Variants in HELZ observed in about 807,000 individuals in gnomAD.
HELZ encodes ATP-dependent RNA helicase with zinc finger domain.
A neutral mutation model predicts 218.2 loss-of-function variants in HELZ; 23 were observed. That is an observed-to-expected ratio of 0.11 (90% CI 0.08 to 0.15). The LOEUF is 0.15. Ranked by LOEUF, HELZ falls within the 10% of genes least tolerant of loss-of-function variation. The probability of loss-of-function intolerance (pLI) is 1.00; values close to 1 mark genes in which losing one functional copy is unlikely to be tolerated. For missense variants in HELZ, 1,813 were observed against 2,353.7 expected (o/e 0.77, Z 4.75); for synonymous variants, 814 against 829.4 (o/e 0.98, Z 0.32).
intron 28 of HELZ, among the ~76,000 whole-genome samples, chr17:67,113,408 C>T (rs7223269): frequency 0.51 from 77,028 of 151,718 alleles, 20,328 homozygotes; most frequent in East Asian, 0.88. Context: ...TACAGGCGCC[C>T]GCCACCACGC....
Position 67,108,367 on chromosome 17 carries a change from C to T in HELZ, c.4724+125G>A. Reference sequence around the variant, plus strand: ...CAACAAGAGAACTGTGTAGCGTGTGCTTGGAAGGCCAGCATCCAATTTCTC... The same window carrying T: ...CAACAAGAGAACTGTGTAGCGTGTGTTTGGAAGGCCAGCATCCAATTTCTC... On this transcript the variant is annotated intron_variant, in intron 30 of 32. Transcript: ENST00000358691. The surrounding 1 kb of genome is among the most constrained non-coding windows in gnomAD (Gnocchi z 4.1). The T allele has an allele frequency of 1.4e-6, 1 of 704,830 alleles. No homozygotes were observed. Among genetic ancestry groups the T allele is most frequent in the Non-Finnish European group, 2.5e-6 (1 of 405,210 alleles). The allele number at this position is 704,830 out of a possible 1,614,324, so 43.7% of individuals were successfully genotyped here.
In HELZ at chr17:67,078,125, TTAAG is replaced by T. The variant is rs1167242287; in HGVS notation, c.*123_*126del. 1.3e-4 allele frequency: 86 copies of T among 656,096 alleles called. No homozygotes were observed. Among genetic ancestry groups the T allele is most frequent in the African/African-American group, 5.6e-4 (30 of 53,656 alleles). The allele number at this position is 656,096 out of a possible 1,614,324, so 40.6% of individuals were successfully genotyped here. On this transcript the variant is annotated 3_prime_UTR_variant, in exon 33 of 33. Coordinates refer to ENST00000358691, the MANE Select transcript of HELZ (RefSeq NM_014877.4). ...AGTTGCAAGTCTAGCAGCAAAGCAA[TTAAG>T]TGAGAACATATTTAATATTAAAACA...
intron 13 of HELZ, chr17:67,172,900 C>G (rs1007207302): frequency 2.7e-5 from 7 of 255,232 alleles, no homozygotes; most frequent in Non-Finnish European, 4.3e-5. Flanking sequence ...GCCACTGCGC[C>G]CAGGCCTTAG....
intron 13 of HELZ, among the ~76,000 whole-genome samples, chr17:67,168,078 G>A (rs1383378212): frequency 6.6e-6 from 1 of 151,958 alleles, no homozygotes; most frequent in Non-Finnish European, 1.5e-5. Flanking sequence ...TGCCTCCCAG[G>A]TTCAAGAATT....
At chr17:67,213,729 G>A (rs1423032276) in intron 5 of HELZ, among the ~76,000 whole-genome samples, 1 of 152,134 alleles carries the variant, frequency 6.6e-6, no homozygotes, top group African/African-American at 2.4e-5. Flanking sequence ...AAGAACATAT[G>A]TTTATTACAG....
rs577181022 is a variant in HELZ, at chr17:67,081,393, G to A, written c.5495-2807C>T. 2.0e-5 allele frequency among the ~76,000 whole-genome samples: 3 copies of A among 152,198 alleles called. No homozygotes were observed. In the South Asian group the frequency reaches 6.2e-4, roughly 32 times the overall value. ...TTCCTCATTAGTCTCCTCTGAACAC[G>A]GTAAAAGGTTAATATTAGACAACAG... On this transcript the variant is annotated intron_variant, in intron 32 of 32. Transcript: ENST00000358691.
intron 17 of HELZ, among the ~76,000 whole-genome samples, chr17:67,152,378 A>T (rs1038927915): frequency 1.3e-5 from 2 of 152,158 alleles, no homozygotes; most frequent in African/African-American, 4.8e-5. Context: ...TACTGTTAAG[A>T]GTGCAGACAA....
intron 17 of HELZ, among the ~76,000 whole-genome samples, chr17:67,156,351 T>C (rs891615715): frequency 6.6e-6 from 1 of 152,174 alleles, no homozygotes; most frequent in Admixed American, 6.5e-5. Context: ...ATAAAAAGAA[T>C]ATTTACTTAA....
chr17:67,198,407 A>T (rs2040086102), intron 7 of HELZ, among the ~76,000 whole-genome samples: 2 of 152,228 alleles, frequency 1.3e-5, no homozygotes, highest in African/African-American at 2.4e-5. Flanking sequence ...TAAGGCACTC[A>T]GCCTGGCTAA....
At chr17:67,156,009 C>CAT (rs1374024981) in intron 17 of HELZ, among the ~76,000 whole-genome samples, 1 of 93,558 alleles carries the variant, frequency 1.1e-5, no homozygotes, top group African/African-American at 5.4e-5. Flanking sequence ...AATATATACA[C>CAT]ACATAATTTT....
At chr17:67,219,597 T>C (rs931757008) in intron 3 of HELZ, among the ~76,000 whole-genome samples, 1 of 151,816 alleles carries the variant, frequency 6.6e-6, no homozygotes, top group African/African-American at 2.4e-5. Context: ...GGGGAGAAAA[T>C]ACACAGCCTA....
chr17:67,193,898 A>T, intron 9 of HELZ, 69 bp downstream of exon 9: 1 of 1,138,040 alleles, frequency 8.8e-7, no homozygotes, highest in Non-Finnish European at 1.3e-6. Flanking sequence ...TTACTCCATT[A>T]GATAAGGAAA....
rs559088221 is a variant in HELZ, at chr17:67,208,139, G to A, written c.248-4696C>T. Among the ~76,000 whole-genome samples, 3 of 152,296 alleles carry A rather than the reference G, an allele frequency of 2.0e-5. No homozygotes were observed. The South Asian group carries it at 6.2e-4, about 32-fold the overall frequency. On this transcript the variant is annotated intron_variant, in intron 5 of 32. Transcript: ENST00000358691. The stretch of plus-strand genomic sequence containing the variant: ...GGCAAAATTAGGGAGATGAAGAACA[G>A]ATTAGTGGTTGCCAAGGGTTAGAAA...
chr17:67,237,070 T>C (rs1013227227), intron 3 of HELZ, among the ~76,000 whole-genome samples: 5 of 152,214 alleles, frequency 3.3e-5, no homozygotes, highest in Non-Finnish European at 7.3e-5. Flanking sequence ...CCGGGCGTAG[T>C]GGTTCACGCC....
At position 67,139,055 on chromosome 17, in the gene HELZ, A is replaced by C. The variant is rs543483216; in HGVS notation, c.2770-941T>G. On this transcript the variant is annotated intron_variant, in intron 21 of 32. Coordinates refer to ENST00000358691, the MANE Select transcript of HELZ (RefSeq NM_014877.4). ...AGGAGGTGTGTTTTCAAATGTCTTT[A>C]AGTACATCGTTTCTTTATTATTTAC... Among the ~76,000 whole-genome samples the C allele has an allele frequency of 2.0e-5, 3 of 152,188 alleles. No individual in the cohort carries two copies. In the South Asian group the frequency reaches 6.2e-4, roughly 32 times the overall value.
chr17:67,191,743 T>C (rs1247744736), intron 9 of HELZ, among the ~76,000 whole-genome samples: 1 of 149,756 alleles, frequency 6.7e-6, no homozygotes, highest in Non-Finnish European at 1.5e-5. Context: ...TGAGTCACCA[T>C]GCCCGGCCCT....
intron 27 of HELZ, among the ~76,000 whole-genome samples, chr17:67,118,439 T>C (rs1359977571): frequency 1.3e-5 from 2 of 151,890 alleles, no homozygotes; most frequent in East Asian, 1.9e-4. Flanking sequence ...TAAAAGAAGA[T>C]CTTGGGTTAG....
intron 23 of HELZ, among the ~76,000 whole-genome samples, chr17:67,132,026 C>T (rs1427125546): frequency 6.6e-6 from 1 of 151,178 alleles, no homozygotes; most frequent in African/African-American, 2.5e-5. Context: ...TATTATGTTA[C>T]CCATTTTTTT....
chr17:67,154,014 T>C (rs964649215), intron 17 of HELZ, among the ~76,000 whole-genome samples: 1 of 152,260 alleles, frequency 6.6e-6, no homozygotes, highest in African/African-American at 2.4e-5. Context: ...CATTTGTTAC[T>C]AGGCTCTTGT....
Sources: allele counts gnomAD v4.1 joint callset (sites outside exome capture counted in the v4.1 genomes callset), GRCh38; gene constraint gnomAD v4.1.1; non-coding constraint Gnocchi (gnomAD v3.1); transcripts MANE v1.5; gene names NCBI Gene and HGNC (gene_info 2026-07-23, HGNC 2026-07-21).